Variants in DOCK3 observed in about 807,000 individuals in gnomAD.
DOCK3 encodes dedicator of cytokinesis protein 3.
A neutral mutation model predicts 265.6 loss-of-function variants in DOCK3; 60 were observed. The ratio of observed to expected loss-of-function variants is 0.23; its 90% confidence interval spans 0.18 to 0.28. DOCK3 has a LOEUF of 0.28. Among genes scored for constraint, DOCK3 ranks in the 10% least tolerant of loss-of-function variants. The pLI is 1.00. For synonymous variants in DOCK3, 881 were observed against 938.0 expected (o/e 0.94, Z 1.11); for missense variants, 1,981 against 2,594.3 (o/e 0.76, Z 5.14).
At position 51,217,794 on chromosome 3, in the gene DOCK3, A is replaced by G. The variant is rs562155243; in HGVS notation, c.1252+3547A>G. 2.0e-5 allele frequency among the ~76,000 whole-genome samples: 3 copies of G among 152,292 alleles called. No homozygotes were observed. The East Asian group carries it at 5.8e-4, about 29-fold the overall frequency. On this transcript the variant is annotated intron_variant, in intron 14 of 52. Coordinates refer to ENST00000266037, the MANE Select transcript of DOCK3 (RefSeq NM_004947.5). ...AACTTTAAAGAAAACCGTTAGCCAAAAGAGTATAACCTGAAAGGAATGATT... is the reference window on the plus strand; with the variant it reads ...AACTTTAAAGAAAACCGTTAGCCAAGAGAGTATAACCTGAAAGGAATGATT...
chr3:50,920,278 G>A (rs1051831526), intron 4 of DOCK3, among the ~76,000 whole-genome samples: 4 of 152,136 alleles, frequency 2.6e-5, no homozygotes, highest in African/African-American at 9.7e-5. Flanking sequence ...GAATTAGAGA[G>A]GATTCCATCT....
chr3:51,207,176 G>A (rs2089264244), intron 12 of DOCK3, among the ~76,000 whole-genome samples: 1 of 152,140 alleles, frequency 6.6e-6, no homozygotes, highest in African/African-American at 2.4e-5. Flanking sequence ...TAAGGGGTAT[G>A]CAAGGGGAGA....
intron 5 of DOCK3, among the ~76,000 whole-genome samples, chr3:51,021,807 G>T (rs1486344561): frequency 6.6e-6 from 1 of 151,882 alleles, no homozygotes; most frequent in Non-Finnish European, 1.5e-5. Context: ...GATTACAGGT[G>T]CCCACCACCA....
intron 22 of DOCK3, among the ~76,000 whole-genome samples, chr3:51,247,953 T>C (rs577416549): frequency 7.4e-4 from 113 of 152,268 alleles, no homozygotes; most frequent in African/African-American, 2.7e-3. Context: ...TGCAAAAGAT[T>C]CTATATGAGC....
At position 51,041,173 on chromosome 3, in the gene DOCK3, TATATATATATATATATATATATATATA is replaced by T. The variant is rs1559977254; in HGVS notation, c.316-23274_316-23248del. Among the ~76,000 whole-genome samples, 97 of 10,904 alleles carry T rather than the reference TATATATATATATATATATATATATATA, an allele frequency of 8.9e-3. 1 individual carries two copies. Among genetic ancestry groups the T allele is most frequent in the African/African-American group, 0.026 (96 of 3,680 alleles). The allele number at this position is 10,904 out of a possible 152,430, so 7.2% of individuals were successfully genotyped here. A position where few individuals can be genotyped will look rare whatever the true frequency, so the allele number is the denominator to read the frequency against. Reference sequence around the variant, plus strand: ...CAGCCTTACAAAATGTATATATATATATATATATATATATATATATATATATATATATTTTTTTTTTTTTTTTTTTTT... The same window carrying T: ...CAGCCTTACAAAATGTATATATATATTATATTTTTTTTTTTTTTTTTTTTT... On this transcript the variant is annotated intron_variant, in intron 5 of 52. Coordinates refer to ENST00000266037, the MANE Select transcript of DOCK3 (RefSeq NM_004947.5).
At chr3:51,096,085 TATGTGTCTTGGGGTTGCTC>T (rs1453656612) in intron 9 of DOCK3, among the ~76,000 whole-genome samples, 1 of 152,116 alleles carries the variant, frequency 6.6e-6, no homozygotes, top group Non-Finnish European at 1.5e-5. Context: ...ATCTGACGAT[TATGTGTCTTGGGGTTGCTC>T]TTGTGTCTTG....
At chr3:50,823,437 A>G (rs2044570415) in intron 2 of DOCK3, among the ~76,000 whole-genome samples, 1 of 152,162 alleles carries the variant, frequency 6.6e-6, no homozygotes, top group African/African-American at 2.4e-5. Context: ...AATCCATTCA[A>G]CCCTGAGTGG....
intron 3 of DOCK3, among the ~76,000 whole-genome samples, chr3:50,887,185 C>T (rs965153312): frequency 1.3e-5 from 2 of 152,024 alleles, no homozygotes; most frequent in Admixed American, 6.6e-5. Flanking sequence ...GGGGATATCA[C>T]CACCGATCCC....
intron 3 of DOCK3, among the ~76,000 whole-genome samples, chr3:50,884,815 C>A (rs1000593893): frequency 6.6e-6 from 1 of 151,992 alleles, no homozygotes; most frequent in African/African-American, 2.4e-5. Context: ...TCCCCGCCCC[C>A]CACAGTTTTC....
At chr3:51,196,097 A>G (rs559151719) in intron 12 of DOCK3, among the ~76,000 whole-genome samples, 1 of 77,894 alleles carries the variant, frequency 1.3e-5, no homozygotes. Context: ...CACCACGCCC[A>G]GCTAATTTTT....
chr3:51,281,457 T>G (rs2081114443), intron 27 of DOCK3, among the ~76,000 whole-genome samples: 1 of 152,102 alleles, frequency 6.6e-6, no homozygotes, highest in African/African-American at 2.4e-5. Flanking sequence ...TTTTATTTGC[T>G]TATGCTTTGT....
chr3:51,014,341 C>A (rs2079070415), intron 5 of DOCK3, among the ~76,000 whole-genome samples: 2 of 152,130 alleles, frequency 1.3e-5, no homozygotes, highest in South Asian at 4.1e-4. Context: ...TCTCTGTAAG[C>A]TTCCTATCTA....
intron 4 of DOCK3, among the ~76,000 whole-genome samples, chr3:50,933,354 C>T (rs184144231): frequency 2.0e-5 from 3 of 152,252 alleles, no homozygotes; most frequent in Admixed American, 2.0e-4. Context: ...TGACAGTTAG[C>T]ACAGGGACTG....
At chr3:50,978,043 T>G (rs1201733965) in intron 5 of DOCK3, among the ~76,000 whole-genome samples, 1 of 152,098 alleles carries the variant, frequency 6.6e-6, no homozygotes, top group Non-Finnish European at 1.5e-5. Context: ...TTATACCTTC[T>G]TCTAAATTTT....
chr3:51,275,122 C>T lies in DOCK3; in HGVS notation c.2592C>T (p.His864=), dbSNP rs1347976445. The T allele has an allele frequency of 1.9e-6, 3 of 1,613,880 alleles. No homozygotes were observed. The highest frequency in any genetic ancestry group is 1.7e-6 in the Non-Finnish European group (2 of 1,179,894). The change falls in exon 25 of 53, where the codon CAC becomes CAT. Residue 864 remains histidine, a synonymous_variant. Transcript: ENST00000266037. ...TTCCTGTGGTTCTCCATCACATTCACCTTCACCTGAGGCAGCAGAAAGAGC... is the reference window on the plus strand; with the variant it reads ...TTCCTGTGGTTCTCCATCACATTCATCTTCACCTGAGGCAGCAGAAAGAGC... ...ILLPVVLHHI[H]LHLRQQKELL...
intron 1 of DOCK3, among the ~76,000 whole-genome samples, chr3:50,754,810 C>G (rs750892665): frequency 6.6e-6 from 1 of 152,010 alleles, no homozygotes; most frequent in Non-Finnish European, 1.5e-5. Flanking sequence ...CCATCTGCCT[C>G]GGCCTCCCAA....
At chr3:51,177,718 C>T (rs1296004390) in intron 12 of DOCK3, among the ~76,000 whole-genome samples, 1 of 152,134 alleles carries the variant, frequency 6.6e-6, no homozygotes, top group Non-Finnish European at 1.5e-5. Flanking sequence ...TGGCCAGGCG[C>T]AGTGGCTCAC....
At chr3:51,141,900 A>G (rs1261182145) in intron 9 of DOCK3, among the ~76,000 whole-genome samples, 1 of 148,898 alleles carries the variant, frequency 6.7e-6, no homozygotes, top group Non-Finnish European at 1.5e-5. Flanking sequence ...TGTCTTTTCT[A>G]CCTTTCCCCA....
intron 2 of DOCK3, among the ~76,000 whole-genome samples, chr3:50,825,008 ATGT>A (rs1349946450): frequency 2.6e-5 from 4 of 152,238 alleles, no homozygotes; most frequent in Non-Finnish European, 5.9e-5. Context: ...ATCTAGATGA[ATGT>A]TGTACCTACA....
Sources: gnomAD v4.1 joint callset for allele counts (sites outside exome capture counted in the v4.1 genomes callset) on GRCh38, gnomAD v4.1.1 for gene constraint, MANE v1.5 for transcripts, NCBI Gene and HGNC (gene_info 2026-07-23, HGNC 2026-07-21) for gene names.